Variants in ARID5B observed in about 807,000 individuals in gnomAD.
The protein encoded by ARID5B is AT-rich interaction domain 5B, also known as AT-rich interactive domain-containing protein 5B.
ARID5B carries 13 observed loss-of-function variants against 97.2 expected under a neutral mutation model. The ratio of observed to expected loss-of-function variants is 0.13; its 90% CI spans 0.09 to 0.21. ARID5B has a LOEUF of 0.21. ARID5B is among the 10% of genes least tolerant of loss of function. The pLI, the probability that ARID5B is intolerant of heterozygous loss-of-function variation, is 1.00. For missense variants in ARID5B, 1,210 were observed against 1,465.3 expected (o/e 0.83, Z 2.84); for synonymous variants, 556 against 570.3 (o/e 0.97, Z 0.36).
At chr10:62,013,205 G>A (rs191839227) in intron 4 of ARID5B, among the ~76,000 whole-genome samples, 4 of 152,124 alleles carry the variant, frequency 2.6e-5, no homozygotes, top group Non-Finnish European at 4.4e-5. Context: ...AAGCTCAGGC[G>A]GTGATTTTCA....
At chr10:62,010,058 T>C (rs74910221) in intron 4 of ARID5B, among the ~76,000 whole-genome samples, 3,599 of 152,232 alleles carry the variant, frequency 0.024, 68 homozygotes, top group South Asian at 0.037. Flanking sequence ...CCCGAGGGAG[T>C]GAGTACTTGT....
intron 3 of ARID5B, among the ~76,000 whole-genome samples, chr10:61,971,353 C>CT: frequency 6.6e-6 from 1 of 152,294 alleles, no homozygotes; most frequent in South Asian, 2.1e-4. Flanking sequence ...AAAGTTTTAA[C>CT]TTTTTTCACA....
rs1316265344 is a variant in ARID5B at position 62,038,267 on chromosome 10, A to T, written c.734-12621A>T. ...TTAAATTTGGAGTTCAGAATTTTTT[A>T]AAATTTTATTTTTAGACAATATAGA... On this transcript the variant is annotated intron_variant, in intron 4 of 9. Coordinates refer to ENST00000279873, the MANE Select transcript of ARID5B (RefSeq NM_032199.3). 5.9e-5 allele frequency among the ~76,000 whole-genome samples: 9 copies of T among 152,246 alleles called. No individual in the cohort carries two copies. The South Asian group carries it at 6.2e-4, about 11-fold the overall frequency.
chr10:61,969,590 T>C (rs183036267), intron 3 of ARID5B, among the ~76,000 whole-genome samples: 2 of 152,268 alleles, frequency 1.3e-5, no homozygotes. Context: ...AAATCAGCCT[T>C]CTTGACCCTT....
rs774536160 is a variant in ARID5B at position 62,092,384 on chromosome 10, G to C, written c.2921G>C (p.Arg974Thr). ...AAAAAATACCCTGAATCGCTTTCAA[G>C]ATCAGGAAAACCTCACCATGTGAGA... ...GPKKYPESLS[R>T]SGKPHHVRLE... The change falls in exon 10 of 10, where the codon AGA (arginine) becomes ACA (threonine). Residue 974 changes from arginine to threonine, a missense_variant. By Grantham distance (71) the Arg-to-Thr change is moderately conservative (BLOSUM62 -1). Around this residue, in one of 8 missense-constraint regions of ARID5B, gnomAD observed 800 missense variants for 839.1 expected, o/e 0.95. Coordinates refer to ENST00000279873, the MANE Select transcript of ARID5B (RefSeq NM_032199.3). The C allele has an allele frequency of 6.2e-7, 1 of 1,614,196 alleles. No individual in the cohort carries two copies. Among genetic ancestry groups the C allele is most frequent in the Non-Finnish European group, 8.5e-7 (1 of 1,180,032 alleles).
chr10:62,075,936 C>A (rs1016503091), intron 8 of ARID5B, among the ~76,000 whole-genome samples: 3 of 152,168 alleles, frequency 2.0e-5, no homozygotes, highest in Non-Finnish European at 4.4e-5. Context: ...AAAACCCAAT[C>A]GGTGTTTTTT....
chr10:61,963,268 C>T (rs774498156), intron 3 of ARID5B, among the ~76,000 whole-genome samples: 1 of 152,088 alleles, frequency 6.6e-6, no homozygotes, highest in Non-Finnish European at 1.5e-5. Flanking sequence ...AGTGAAAGGC[C>T]CTGTTCCTCT....
intron 3 of ARID5B, among the ~76,000 whole-genome samples, chr10:61,964,351 G>C (rs1455060976): frequency 6.6e-6 from 1 of 152,130 alleles, no homozygotes; most frequent in Non-Finnish European, 1.5e-5. Context: ...AACTGATGAG[G>C]CCATTCTAGT....
chr10:62,084,643 A>T (rs1037090948), intron 8 of ARID5B, among the ~76,000 whole-genome samples: 8 of 152,248 alleles, frequency 5.3e-5, no homozygotes, highest in Admixed American at 3.9e-4. Flanking sequence ...TAATCACTGA[A>T]GTTGAAACTG....
intron 3 of ARID5B, among the ~76,000 whole-genome samples, chr10:61,949,388 A>G (rs1010195172): frequency 8.5e-5 from 13 of 152,148 alleles, no homozygotes; most frequent in African/African-American, 3.1e-4. Context: ...TATAATCCCA[A>G]CACTTTGGGA....
chr10:61,999,410 C>G (rs553923418), intron 3 of ARID5B, among the ~76,000 whole-genome samples: 8 of 152,310 alleles, frequency 5.3e-5, no homozygotes, highest in African/African-American at 1.4e-4. Flanking sequence ...CTACCTTAAA[C>G]GGGCTTGTAA....
At chr10:62,037,722 TGAAA>T (rs1487799359) in intron 4 of ARID5B, among the ~76,000 whole-genome samples, 2 of 152,164 alleles carry the variant, frequency 1.3e-5, no homozygotes, top group Non-Finnish European at 2.9e-5. Context: ...TATAAAGACA[TGAAA>T]GAAAGGGTAT....
intron 4 of ARID5B, among the ~76,000 whole-genome samples, chr10:62,027,788 C>A (rs1301545579): frequency 1.3e-5 from 2 of 152,072 alleles, no homozygotes; most frequent in African/African-American, 4.8e-5. Flanking sequence ...TGGCCAATTT[C>A]TCCTTCTATT....
intron 3 of ARID5B, among the ~76,000 whole-genome samples, chr10:61,991,935 G>A (rs985850389): frequency 6.6e-6 from 1 of 152,162 alleles, no homozygotes; most frequent in African/African-American, 2.4e-5. Flanking sequence ...GGGAGGCTGA[G>A]GTAGGAGAAT....
At chr10:61,987,248 G>A (rs1400062897) in intron 3 of ARID5B, among the ~76,000 whole-genome samples, 1 of 152,206 alleles carries the variant, frequency 6.6e-6, no homozygotes, top group Non-Finnish European at 1.5e-5. Flanking sequence ...GAGCAAGGAA[G>A]AAAGAATGGG....
At chr10:61,902,601 T>C (rs1057067233) in intron 2 of ARID5B, among the ~76,000 whole-genome samples, 188 bp downstream of exon 2, 4 of 152,140 alleles carry the variant, frequency 2.6e-5, no homozygotes, top group Non-Finnish European at 5.9e-5. Context: ...GGCTGTCAGC[T>C]TTACAAAGAG....
chr10:61,937,035 G>A (rs1844317412), intron 2 of ARID5B, among the ~76,000 whole-genome samples: 1 of 152,116 alleles, frequency 6.6e-6, no homozygotes, highest in Admixed American at 6.5e-5. Context: ...CCGTCAGTTG[G>A]TTCTTGGACA....
chr10:61,920,266 C>T (rs1005378688), intron 2 of ARID5B, among the ~76,000 whole-genome samples: 2 of 151,778 alleles, frequency 1.3e-5, no homozygotes, highest in African/African-American at 4.8e-5. Context: ...ACAGTTAATA[C>T]AGTTCTAACT....
At chr10:61,906,144 A>C (rs1843703879) in intron 2 of ARID5B, among the ~76,000 whole-genome samples, 1 of 152,206 alleles carries the variant, frequency 6.6e-6, no homozygotes, top group Non-Finnish European at 1.5e-5. Flanking sequence ...TTTATATACT[A>C]TAAAGTACTT....
Sources: allele counts gnomAD v4.1 joint callset (sites outside exome capture counted in the v4.1 genomes callset), GRCh38; gene constraint gnomAD v4.1.1; regional missense constraint gnomAD v4.1.1; transcripts MANE v1.5; gene names NCBI Gene and HGNC (gene_info 2026-07-23, HGNC 2026-07-21).